The following ZCWPW1 variants were observed in gnomAD, a reference collection of about 807,000 sequenced individuals.
ZCWPW1 encodes zinc finger CW-type and PWWP domain containing 1, also known as zinc finger CW-type PWWP domain protein 1.
A neutral mutation model predicts 81.3 loss-of-function variants in ZCWPW1; 56 were observed. The ratio of observed to expected loss-of-function variants is 0.69; its 90% CI spans 0.56 to 0.86. The LOEUF (loss-of-function observed/expected upper bound fraction) is 0.86. Among genes scored for constraint, ZCWPW1 ranks in the 40% least tolerant of loss-of-function variants. ZCWPW1 has a pLI of 0.00. For synonymous variants in ZCWPW1, 250 were observed against 273.7 expected (o/e 0.91, Z 0.86); for missense variants, 650 against 769.8 (o/e 0.84, Z 1.84).
At chr7:100,405,728 T>A (rs1044152053) in intron 12 of ZCWPW1, among the ~76,000 whole-genome samples, 2 of 152,104 alleles carry the variant, frequency 1.3e-5, no homozygotes, top group African/African-American at 4.8e-5. Context: ...ACCTCCCTGG[T>A]TCAAGCAATT....
In ZCWPW1 at chr7:100,425,324, AT is replaced by A. The variant is rs143302713; in HGVS notation, c.-136-189del. 1.4e-3 allele frequency among the ~76,000 whole-genome samples: 212 copies of A among 152,256 alleles called. 1 individual carries two copies. Among genetic ancestry groups the A allele is most frequent in the African/African-American group, 5.0e-3 (208 of 41,550 alleles). On this transcript the variant is annotated intron_variant, in intron 1 of 17. Transcript: ENST00000684423. The stretch of plus-strand genomic sequence containing the variant: ...GTGTGGGGTTGCGGGGAAGGCTTTA[AT>A]AAGAGGGGCAAAGGCTTTAAATAAG...
At chr7:100,419,278 C>T (rs1795924340) in intron 4 of ZCWPW1, 89 bp from the exon 5 acceptor site, 1 of 1,154,250 alleles carries the variant, frequency 8.7e-7, no homozygotes. Flanking sequence ...TCAGATGAGG[C>T]AGTAAGTTTA....
In ZCWPW1 at chr7:100,419,892, A is replaced by G; in HGVS notation, c.29-9T>C. ...TGGTCCCTTTCCACATTCTGAAAGA[A>G]ATGTGATCAAGTGGAATTTATGAAA... is the stretch of plus-strand genomic sequence containing the variant. On this transcript the variant is annotated splice_polypyrimidine_tract_variant and intron_variant, in intron 3 of 17. Transcript: ENST00000684423. 1 of 1,557,194 alleles carries G rather than the reference A, an allele frequency of 6.4e-7. No homozygotes were observed. The highest frequency in any genetic ancestry group is 8.7e-7 in the Non-Finnish European group (1 of 1,155,056).
chr7:100,402,434 G>C, intron 16 of ZCWPW1, 82 bp downstream of exon 16: 2 of 1,472,450 alleles, frequency 1.4e-6, no homozygotes. Context: ...GGGCAGTGAG[G>C]TCCAGCTACC....
intron 12 of ZCWPW1, 46 bp from the exon 13 acceptor site, chr7:100,405,139 T>A (rs1381975760): frequency 1.3e-6 from 2 of 1,589,042 alleles, no homozygotes; most frequent in East Asian, 4.5e-5. Flanking sequence ...ACTTAAAGAT[T>A]AGAGTCATGA....
chr7:100,420,378 C>G (rs561723247), intron 3 of ZCWPW1, among the ~76,000 whole-genome samples: 10 of 152,288 alleles, frequency 6.6e-5, no homozygotes, highest in African/African-American at 2.2e-4. Flanking sequence ...TAACTGGTGG[C>G]ATTTACCACA....
intron 17 of ZCWPW1, among the ~76,000 whole-genome samples, chr7:100,401,688 T>C (rs897053111): frequency 4.6e-5 from 7 of 152,270 alleles, no homozygotes; most frequent in African/African-American, 1.4e-4. Flanking sequence ...ACCATTCTCC[T>C]GCCCCTGGGC....
chr7:100,416,649 T>C (rs900145810), intron 6 of ZCWPW1, among the ~76,000 whole-genome samples, 193 bp from the exon 7 acceptor site: 3 of 152,078 alleles, frequency 2.0e-5, no homozygotes, highest in African/African-American at 4.8e-5. Flanking sequence ...GAGAAATCTA[T>C]AGAAATATGA....
chr7:100,409,218 C>T (rs1793694493), intron 9 of ZCWPW1, among the ~76,000 whole-genome samples: 1 of 152,128 alleles, frequency 6.6e-6, no homozygotes, highest in African/African-American at 2.4e-5. Context: ...AGGCCCCTCC[C>T]CAACAAGATC....
rs374505400 is a variant in ZCWPW1 at position 100,419,654 on chromosome 7, G to A, written c.258C>T (p.Asn86=). 2.5e-6 allele frequency: 4 copies of A among 1,611,680 alleles called. No individual in the cohort carries two copies. In the African/African-American group the frequency reaches 5.4e-5, roughly 22 times the overall value. ...EQEKKRKAQI[N]KQAEKKEKEK... The stretch of plus-strand genomic sequence containing the variant: ...CCTTTTCTTTCTTCTCTGCTTGCTT[G>A]TTGATTTGTGCCTTTCTTTTTTTCT... Residue 86 remains asparagine (N), a synonymous_variant, in exon 4 of 18, where the codon AAC becomes AAT. Transcript: ENST00000684423.
At chr7:100,416,529 GA>G in intron 6 of ZCWPW1, 73 bp from the exon 7 acceptor site, 1 of 1,513,820 alleles carries the variant, frequency 6.6e-7, no homozygotes, top group East Asian at 2.3e-5. Flanking sequence ...GAAAAAACCC[GA>G]GTAAAAGGAA....
chr7:100,417,084 T>G lies in ZCWPW1; in HGVS notation c.461A>C (p.Asp154Ala). 1.2e-6 allele frequency: 2 copies of G among 1,613,928 alleles called. No individual in the cohort carries two copies. The highest frequency in any genetic ancestry group is 1.3e-5 in the African/African-American group (1 of 75,020). The change falls in exon 6 of 18, where the codon GAT becomes GCT. Residue 154 changes from aspartate (D) to alanine (A), a missense_variant. By Grantham distance (126) the Asp-to-Ala change is moderately radical. Coordinates refer to ENST00000684423, the MANE Select transcript of ZCWPW1 (RefSeq NM_001386010.1). ...AACTTACCCATTAGCATTATCAGTA[T>G]CAGTAGCAGAAGCAGTAATTCCTGG... The part of the protein sequence containing the change: ...KEPGITASAT[D>A]TDNANGEEVP...
intron 9 of ZCWPW1, among the ~76,000 whole-genome samples, 168 bp downstream of exon 9, chr7:100,409,260 T>A (rs192626783): frequency 1.3e-5 from 2 of 152,204 alleles, no homozygotes; most frequent in Admixed American, 6.5e-5. Context: ...CAGCCTTTTC[T>A]GCCCAGATTC....
At chr7:100,407,415 C>CCTTGTCTCAG in intron 10 of ZCWPW1, 112 bp from the exon 11 acceptor site, 9 of 929,838 alleles carry the variant, frequency 9.7e-6, no homozygotes, top group Non-Finnish European at 1.3e-5. Context: ...TTTTCTGAGA[C>CCTTGTCTCAG]AAGGTCTCAC....
chr7:100,409,620 A>G, intron 8 of ZCWPW1, 76 bp from the exon 9 acceptor site: 2 of 1,028,554 alleles, frequency 1.9e-6, no homozygotes, highest in South Asian at 2.8e-5. Context: ...AATCAGGATA[A>G]CCCTCCCAAC....
rs1020660178 is a variant in ZCWPW1, at chr7:100,401,190, G to A, written c.1774C>T (p.His592Tyr). 4.3e-6 allele frequency: 7 copies of A among 1,614,120 alleles called. No individual in the cohort carries two copies. The highest frequency in any genetic ancestry group is 1.6e-4 in the Middle Eastern group (1 of 6,084). Reference sequence around the variant, plus strand: ...GCCTCCTGGGTCAGGGGTTCCCGGTGTCTGGGCTCTTCTTTCGCAGATGAG... The same window carrying A: ...GCCTCCTGGGTCAGGGGTTCCCGGTATCTGGGCTCTTCTTTCGCAGATGAG... ...CPSSAKEEPR[H>Y]REPLTQEAGS... Residue 592 changes from histidine (H) to tyrosine (Y), a missense_variant, in exon 18 of 18, where the codon CAC (histidine) becomes TAC (tyrosine). Coordinates refer to ENST00000684423, the MANE Select transcript of ZCWPW1 (RefSeq NM_001386010.1).
At chr7:100,427,688 G>C (rs1797924798) in intron 1 of ZCWPW1, among the ~76,000 whole-genome samples, 1 of 143,552 alleles carries the variant, frequency 7.0e-6, no homozygotes, top group African/African-American at 2.6e-5. Flanking sequence ...GACAGAGCGA[G>C]ACAGTCTTTA....
intron 1 of ZCWPW1, among the ~76,000 whole-genome samples, chr7:100,426,687 C>G (rs1300737771): frequency 6.8e-6 from 1 of 146,498 alleles, no homozygotes; most frequent in Non-Finnish European, 1.5e-5. Flanking sequence ...TCTTCCCTCC[C>G]TCTCTTCCTT....
rs559179727 is a variant in ZCWPW1 at position 100,401,696 on chromosome 7, G to A, written c.1627+193C>T. ...CTCTTCTACCATTCTCCTGCCCCTG[G>A]GCCAAATCAAATCAGGAATCATTCT... On this transcript the variant is annotated intron_variant, in intron 17 of 17. Transcript: ENST00000684423. Among the ~76,000 whole-genome samples the A allele has an allele frequency of 9.9e-5, 15 of 152,284 alleles. 1 individual carries two copies. The South Asian group carries it at 2.3e-3, about 23-fold the overall frequency.
Sources: gnomAD v4.1 joint callset for allele counts (sites outside exome capture counted in the v4.1 genomes callset) on GRCh38, gnomAD v4.1.1 for gene constraint, MANE v1.5 for transcripts, NCBI Gene and HGNC (gene_info 2026-07-23, HGNC 2026-07-21) for gene names.